The following CHFR variants were observed in gnomAD, a reference collection of about 807,000 sequenced individuals.
CHFR encodes the protein checkpoint with forkhead and ring finger domains, also known as E3 ubiquitin-protein ligase CHFR.
In CHFR, 57 loss-of-function variants were observed where a neutral mutation model predicts 87.6. The observed-to-expected ratio is 0.65, with a 90% CI of 0.53 to 0.81. The LOEUF (loss-of-function observed/expected upper bound fraction) is 0.81. Ranked by LOEUF, CHFR falls within the 30% of genes least tolerant of loss-of-function variation. CHFR has a pLI of 0.00. For synonymous variants in CHFR, 381 were observed against 359.2 expected, an observed-to-expected ratio of 1.06 and a Z score of -0.69; for missense variants, 797 against 865.8, an observed-to-expected ratio of 0.92 and a Z score of 1.00.
chr12:132,840,152 C>T lies in CHFR; in HGVS notation c.*1402G>A, dbSNP rs1445228645. The T allele has an allele frequency of 6.5e-6, 1 of 152,920 alleles. No individual in the cohort carries two copies. Among genetic ancestry groups the T allele is most frequent in the Non-Finnish European group, 1.5e-5 (1 of 68,412 alleles). The allele number at this position is 152,920 out of a possible 1,614,324, so 9.5% of individuals were successfully genotyped here. A position where few individuals can be genotyped will look rare whatever the true frequency, so the allele number is the denominator to read the frequency against. ...TGCTCAGCTGAAGACAAAGCCTCCACACTGGATGAACAGGTTGTGGCTTCC... is the reference window on the plus strand; with the variant it reads ...TGCTCAGCTGAAGACAAAGCCTCCATACTGGATGAACAGGTTGTGGCTTCC... On this transcript the variant is annotated 3_prime_UTR_variant, in exon 18 of 18. Coordinates refer to ENST00000450056, the MANE Select transcript of CHFR (RefSeq NM_001161346.2).
intron 6 of CHFR, chr12:132,866,629 GTAACACCA>G (rs1951349238): frequency 7.2e-6 from 1 of 139,534 alleles, no homozygotes; most frequent in South Asian, 2.2e-4. Context: ...AACACACCGC[GTAACACCA>G]AATGTTACAA....
chr12:132,843,656 A>G (rs1057075179), intron 16 of CHFR, among the ~76,000 whole-genome samples: 4 of 152,026 alleles, frequency 2.6e-5, no homozygotes, highest in Non-Finnish European at 5.9e-5. Flanking sequence ...GCAAAGTGCA[A>G]ACAGGGTGTC....
chr12:132,879,162 A>G (rs944923797), intron 2 of CHFR, among the ~76,000 whole-genome samples: 1 of 147,696 alleles, frequency 6.8e-6, no homozygotes, highest in Non-Finnish European at 1.5e-5. Context: ...GCGCCACCAT[A>G]CCCAGCTAAT....
rs375656978 is a variant in CHFR, at chr12:132,848,717, G to A, written c.1500C>T (p.Val500=). The A allele has an allele frequency of 4.0e-5, 64 of 1,583,250 alleles. No homozygotes were observed. Among genetic ancestry groups the A allele is most frequent in the Non-Finnish European group, 4.8e-5 (56 of 1,164,820 alleles). ...ACAGGTGGCAGAAAGGCTGCAGGCAGACCGCACCTGTGGAGAGAGGACACT... is the reference window on the plus strand; with the variant it reads ...ACAGGTGGCAGAAAGGCTGCAGGCAAACCGCACCTGTGGAGAGAGGACACT... ...DPRVAPQQCA[V]CLQPFCHLYW... The change falls in exon 13 of 18, where the codon GTC becomes GTT. Residue 500 remains valine, a synonymous_variant. Coordinates refer to ENST00000450056, the MANE Select transcript of CHFR (RefSeq NM_001161346.2).
chr12:132,837,970 C>G lies in CHFR; in HGVS notation c.*3584G>C, dbSNP rs932593241. 1 of 152,378 alleles carries G rather than the reference C, an allele frequency of 6.6e-6. No homozygotes were observed. Among genetic ancestry groups the G allele is most frequent in the Non-Finnish European group, 1.5e-5 (1 of 68,160 alleles). The allele number at this position is 152,378 out of a possible 1,614,324, so 9.4% of individuals were successfully genotyped here. On this transcript the variant is annotated 3_prime_UTR_variant, in exon 18 of 18. Coordinates refer to ENST00000450056, the MANE Select transcript of CHFR (RefSeq NM_001161346.2). ...CTTTCCTTCCCTTCCCAGTGCAGGG[C>G]TCCCGGCAACCTAGCGGCCCTGGCA...
At chr12:132,862,781 C>G (rs112286961) in intron 6 of CHFR, among the ~76,000 whole-genome samples, 1 of 151,682 alleles carries the variant, frequency 6.6e-6, no homozygotes, top group Non-Finnish European at 1.5e-5. Flanking sequence ...AGGGTTTCAC[C>G]GTGTTAGCCA....
intron 12 of CHFR, 103 bp downstream of exon 12, chr12:132,851,515 G>A: frequency 1.5e-6 from 2 of 1,295,750 alleles, no homozygotes; most frequent in Non-Finnish European, 2.1e-6. Flanking sequence ...AAAAGAAACG[G>A]CATCCTTACT....
At chr12:132,857,012 CGTGCCTGGGTGCTGGTGG>C (rs1566185062) in intron 9 of CHFR, among the ~76,000 whole-genome samples, 2 of 101,682 alleles carry the variant, frequency 2.0e-5, no homozygotes, top group Admixed American at 1.9e-4. Context: ...GATGCCCTCA[CGTGCCTGGGTGCTGGTGG>C]AGGGACCACC....
At chr12:132,855,915 G>C (rs979688618) in intron 10 of CHFR, among the ~76,000 whole-genome samples, 1 of 152,104 alleles carries the variant, frequency 6.6e-6, no homozygotes, top group South Asian at 2.1e-4. Context: ...TTCAGACCCC[G>C]GTCTTGTGCA....
Position 132,861,555 on chromosome 12 carries a change from A to G in CHFR, c.663T>C (p.Ala221=). The G allele has an allele frequency of 6.2e-7, 1 of 1,614,162 alleles. No homozygotes were observed. Among genetic ancestry groups the G allele is most frequent in the Non-Finnish European group, 8.5e-7 (1 of 1,180,022 alleles). The change falls in exon 7 of 18, where the codon GCT becomes GCC. Residue 221 remains alanine (A), a synonymous_variant. Coordinates refer to ENST00000450056, the MANE Select transcript of CHFR (RefSeq NM_001161346.2). ...AGGACGCAGTCTTTCTGTCTGGGAG[A>G]GCTGAGGCAAAGCTGGAGACTTCAT... ...ASDEVSSFAS[A]LPDRKTASFS...
chr12:132,882,839 G>A (rs1951799729), intron 2 of CHFR: 1 of 152,006 alleles, frequency 6.6e-6, no homozygotes, highest in Non-Finnish European at 1.5e-5. Flanking sequence ...CTGAGTAGCT[G>A]AGACTACCAA....
chr12:132,838,385 G>A lies in CHFR; in HGVS notation c.*3169C>T, dbSNP rs1305672012. 1 of 152,318 alleles carries A rather than the reference G, an allele frequency of 6.6e-6. No homozygotes were observed. The highest frequency in any genetic ancestry group is 1.5e-5 in the Non-Finnish European group (1 of 68,108). The allele number at this position is 152,318 out of a possible 1,614,324, so 9.4% of individuals were successfully genotyped here. ...GCTGCAGTCAGAAGCTATGACAGAG[G>A]CCATCCCAGAGAGGCCTCACTGGGG... is the stretch of plus-strand genomic sequence containing the variant. On this transcript the variant is annotated 3_prime_UTR_variant, in exon 18 of 18. Coordinates refer to ENST00000450056, the MANE Select transcript of CHFR (RefSeq NM_001161346.2).
At chr12:132,855,381 C>T (rs1050927515) in intron 10 of CHFR, among the ~76,000 whole-genome samples, 24 of 151,692 alleles carry the variant, frequency 1.6e-4, no homozygotes, top group African/African-American at 5.6e-4. Context: ...AAGATTGTGC[C>T]ATTGGCAGGG....
At chr12:132,848,828 G>T in intron 12 of CHFR, 104 bp from the exon 13 acceptor site, 5 of 849,280 alleles carry the variant, frequency 5.9e-6, no homozygotes, top group Non-Finnish European at 9.4e-6. Context: ...TGGAAACATT[G>T]TTCAGGAGGG....
At chr12:132,862,399 C>T (rs113941471) in intron 6 of CHFR, 1 of 444,760 alleles carries the variant, frequency 2.2e-6, no homozygotes, top group African/African-American at 2.0e-5. Flanking sequence ...TTTAGACCAG[C>T]CTGGGCAACA....
At chr12:132,847,174 G>A in intron 14 of CHFR, 44 bp from the exon 15 acceptor site, 1 of 1,609,360 alleles carries the variant, frequency 6.2e-7, no homozygotes, top group Non-Finnish European at 8.5e-7. Context: ...CTCGTTTAGA[G>A]GAAGAAACAC....
In CHFR at chr12:132,836,925, T is replaced by G. The variant is rs958608805; in HGVS notation, c.*4629A>C. The G allele has an allele frequency of 2.7e-5, 10 of 369,658 alleles. No individual in the cohort carries two copies. In the Admixed American group the frequency reaches 3.2e-4, roughly 12 times the overall value. The allele number at this position is 369,658 out of a possible 1,614,324, so 22.9% of individuals were successfully genotyped here. A position where few individuals can be genotyped will look rare whatever the true frequency, so the allele number is the denominator to read the frequency against. On this transcript the variant is annotated 3_prime_UTR_variant, in exon 18 of 18. Coordinates refer to ENST00000450056, the MANE Select transcript of CHFR (RefSeq NM_001161346.2). ...AGACAGGCAAGATCCCTGCTCTATTTTTTTGAGAGGGGGAGACAAACGGTA... is the reference window on the plus strand; with the variant it reads ...AGACAGGCAAGATCCCTGCTCTATTGTTTTGAGAGGGGGAGACAAACGGTA...
chr12:132,836,653 G>C lies in CHFR; in HGVS notation c.*4901C>G, dbSNP rs1039880040. The C allele has an allele frequency of 2.2e-6, 1 of 455,936 alleles. No homozygotes were observed. Among genetic ancestry groups the C allele is most frequent in the Admixed American group, 2.4e-5 (1 of 42,550 alleles). The allele number at this position is 455,936 out of a possible 1,614,324, so 28.2% of individuals were successfully genotyped here. ...GTCCATTCCTTCCACAGACATGCAC[G>C]ACCAAGTGTCTGCTCTGTGTGAGGA... is the stretch of plus-strand genomic sequence containing the variant. On this transcript the variant is annotated 3_prime_UTR_variant, in exon 18 of 18. Transcript: ENST00000450056.
At chr12:132,853,398 C>A in intron 11 of CHFR, 33 bp downstream of exon 11, 1 of 1,476,706 alleles carries the variant, frequency 6.8e-7, no homozygotes, top group Non-Finnish European at 8.9e-7. Flanking sequence ...GTGACTCACG[C>A]GAAGGCTGAG....
Sources: gnomAD v4.1 joint callset for allele counts (sites outside exome capture counted in the v4.1 genomes callset) on GRCh38, gnomAD v4.1.1 for gene constraint, MANE v1.5 for transcripts, NCBI Gene and HGNC (gene_info 2026-07-23, HGNC 2026-07-21) for gene names.